The following CALD1 variants were observed in gnomAD, a reference collection of about 807,000 sequenced individuals.
The protein encoded by CALD1 is caldesmon.
CALD1 carries 33 observed loss-of-function variants against 99.9 expected under a neutral mutation model. The observed-to-expected ratio is 0.33, with a 90% CI of 0.25 to 0.44. CALD1 has a LOEUF of 0.44. Ranked by LOEUF, CALD1 falls within the 20% of genes least tolerant of loss-of-function variation. The pLI, the probability that CALD1 is intolerant of heterozygous loss-of-function variation, is 1.00. For missense variants in CALD1, 861 were observed against 962.1 expected (o/e 0.89, Z 1.39); for synonymous variants, 310 against 325.0 (o/e 0.95, Z 0.50).
At chr7:134,820,800 G>A (rs1283466645) in intron 1 of CALD1, among the ~76,000 whole-genome samples, 1 of 152,044 alleles carries the variant, frequency 6.6e-6, no homozygotes, top group Non-Finnish European at 1.5e-5. Context: ...GGGTGGTCGT[G>A]GACTGTAGGA....
At position 134,947,565 on chromosome 7, in the gene CALD1, G is replaced by A. The variant is rs1275830933; in HGVS notation, c.1590G>A (p.Val530=). The A allele has an allele frequency of 3.2e-6, 5 of 1,562,336 alleles. No individual in the cohort carries two copies. The African/African-American group carries it at 4.1e-5, about 13-fold the overall frequency. Residue 530 remains valine, a synonymous_variant, in exon 8 of 15, where the codon GTG becomes GTA. Coordinates refer to ENST00000361675, the MANE Select transcript of CALD1 (RefSeq NM_033138.4). ...DTKEAEGAPQ[V]EAGKRLEELR... Reference sequence around the variant, plus strand: ...AGGAGGCTGAGGGCGCCCCCCAGGTGGAAGCCGGCAAAAGGCTGGAGGAGC... The same window carrying A: ...AGGAGGCTGAGGGCGCCCCCCAGGTAGAAGCCGGCAAAAGGCTGGAGGAGC...
intron 2 of CALD1, among the ~76,000 whole-genome samples, chr7:134,847,018 G>A (rs768749578): frequency 6.6e-6 from 1 of 152,202 alleles, no homozygotes; most frequent in East Asian, 1.9e-4. Flanking sequence ...GCCAACATAG[G>A]TGCCTCCCGA....
chr7:134,822,526 C>T (rs541724921), intron 1 of CALD1, among the ~76,000 whole-genome samples: 35 of 152,170 alleles, frequency 2.3e-4, no homozygotes, highest in African/African-American at 6.5e-4. Flanking sequence ...TCATAAGAAA[C>T]GACAAAATTT....
intron 13 of CALD1, among the ~76,000 whole-genome samples, chr7:134,964,106 A>T (rs1808485873): frequency 6.6e-6 from 1 of 152,206 alleles, no homozygotes; most frequent in African/African-American, 2.4e-5. Flanking sequence ...CTGAGGCAGG[A>T]GAATCGCTTG....
intron 1 of CALD1, among the ~76,000 whole-genome samples, chr7:134,840,157 C>T (rs1360757218): frequency 2.0e-5 from 3 of 152,132 alleles, no homozygotes; most frequent in Non-Finnish European, 2.9e-5. Context: ...TTCCTGAAAG[C>T]GCAAATGTGT....
chr7:134,935,598 T>C, intron 5 of CALD1, 90 bp from the exon 6 acceptor site: 1 of 1,514,462 alleles, frequency 6.6e-7, no homozygotes, highest in Non-Finnish European at 8.8e-7. Flanking sequence ...CACGCAGCAC[T>C]TGCAAGGCGA....
chr7:134,725,082 G>A, the CALD1 span, among the ~76,000 whole-genome samples: 1 of 152,274 alleles, frequency 6.6e-6, no homozygotes, highest in South Asian at 2.1e-4. Context: ...ATGACATGAG[G>A]TGGCCTAGGG....
intron 8 of CALD1, 96 bp downstream of exon 8, chr7:134,947,865 T>A: frequency 7.0e-7 from 1 of 1,425,450 alleles, no homozygotes; most frequent in Admixed American, 2.3e-5. Flanking sequence ...AAAATATTTT[T>A]TTAAGAATAA....
intron 1 of CALD1, among the ~76,000 whole-genome samples, chr7:134,837,435 T>C (rs1799490546): frequency 6.6e-6 from 1 of 152,080 alleles, no homozygotes; most frequent in African/African-American, 2.4e-5. Context: ...CTCCATCTCC[T>C]GGGTTCATGC....
At chr7:134,790,942 T>G (rs570208199) in intron 1 of CALD1, among the ~76,000 whole-genome samples, 7 of 152,320 alleles carry the variant, frequency 4.6e-5, no homozygotes, top group Admixed American at 2.6e-4. Flanking sequence ...CCAAAAGGTA[T>G]TCAAAAGGCC....
At chr7:134,801,296 C>G (rs1187399367) in intron 1 of CALD1, among the ~76,000 whole-genome samples, 4 of 152,148 alleles carry the variant, frequency 2.6e-5, no homozygotes, top group African/African-American at 9.6e-5. Context: ...GTTTAATAAT[C>G]TGTTTCGTTT....
intron 1 of CALD1, among the ~76,000 whole-genome samples, chr7:134,804,309 G>A (rs757897767): frequency 1.3e-5 from 2 of 152,028 alleles, no homozygotes; most frequent in African/African-American, 2.4e-5. Flanking sequence ...TAATGACTTC[G>A]TTTCTTTTAC....
At chr7:134,962,676 T>C (rs919277814) in intron 13 of CALD1, 1 of 368,346 alleles carries the variant, frequency 2.7e-6, no homozygotes. Context: ...CAGTGTAACT[T>C]TGTAACTGCA....
chr7:134,929,806 T>A (rs1805393421), intron 4 of CALD1, among the ~76,000 whole-genome samples: 1 of 150,398 alleles, frequency 6.6e-6, no homozygotes, highest in African/African-American at 2.4e-5. Flanking sequence ...TTCCCCTGGG[T>A]AGATACCCAG....
chr7:134,895,520 T>C (rs1802513016), intron 3 of CALD1, among the ~76,000 whole-genome samples: 3 of 152,130 alleles, frequency 2.0e-5, no homozygotes, highest in Admixed American at 2.0e-4. Context: ...TTATGTGATG[T>C]CTTCCATCAC....
rs548203457 is a variant in CALD1 at position 134,784,817 on chromosome 7, TCCATC to T, written c.-130+5071_-130+5075del. 7.3e-4 allele frequency among the ~76,000 whole-genome samples: 111 copies of T among 152,300 alleles called. 1 individual carries two copies. Among genetic ancestry groups the T allele is most frequent in the African/African-American group, 2.6e-3 (107 of 41,582 alleles). On this transcript the variant is annotated intron_variant, in intron 1 of 14. Coordinates refer to ENST00000361675, the MANE Select transcript of CALD1 (RefSeq NM_033138.4). ...CCAGCCGCGGTCCATGGATATTTAC[TCCATC>T]CCTTTCCACTAGTGTGACTCAGCTC... is the stretch of plus-strand genomic sequence containing the variant.
chr7:134,803,099 G>T (rs1436403151), intron 1 of CALD1, among the ~76,000 whole-genome samples: 1 of 152,062 alleles, frequency 6.6e-6, no homozygotes, highest in South Asian at 2.1e-4. Context: ...TTGTTTAGTG[G>T]TATCTCATTG....
At position 134,929,650 on chromosome 7, in the gene CALD1, A is replaced by G. The variant is rs867065901; in HGVS notation, c.218+750A>G. 1.4e-3 allele frequency among the ~76,000 whole-genome samples: 136 copies of G among 98,658 alleles called. 4 individuals carry two copies. Among genetic ancestry groups the G allele is most frequent in the African/African-American group, 4.7e-3 (114 of 24,292 alleles). The allele number at this position is 98,658 out of a possible 152,430, so 64.7% of individuals were successfully genotyped here. On this transcript the variant is annotated intron_variant, in intron 4 of 14. Transcript: ENST00000361675. ...TGTGTGTGTGTGTGTGTGTGTGTAT[A>G]TATATATATATATATATATACACCA...
At chr7:134,755,107 T>C (rs1380222812) in intron 1 of CALD1, among the ~76,000 whole-genome samples, 1 of 152,164 alleles carries the variant, frequency 6.6e-6, no homozygotes, top group Non-Finnish European at 1.5e-5. Context: ...TTCAAGCTAT[T>C]CTCCTGCCTC....
Sources: gnomAD v4.1 joint callset for allele counts (sites outside exome capture counted in the v4.1 genomes callset) on GRCh38, gnomAD v4.1.1 for gene constraint, MANE v1.5 for transcripts, NCBI Gene and HGNC (gene_info 2026-07-23, HGNC 2026-07-21) for gene names.